The following RPRD2 variants were observed in gnomAD, a reference collection of about 807,000 sequenced individuals.
RPRD2 encodes regulation of nuclear pre-mRNA domain-containing protein 2.
A neutral mutation model predicts 104.4 loss-of-function variants in RPRD2; 12 were observed. The ratio of observed to expected loss-of-function variants is 0.11; its 90% confidence interval spans 0.07 to 0.19. The LOEUF (loss-of-function observed/expected upper bound fraction) is 0.19, where lower values mean the gene tolerates loss of function less well. Ranked by LOEUF, RPRD2 falls within the 10% of genes least tolerant of loss-of-function variation. The pLI, the probability that RPRD2 is intolerant of heterozygous loss-of-function variation, is 1.00. For missense variants in RPRD2, 1,543 were observed against 1,790.1 expected (o/e 0.86, Z 2.49); for synonymous variants, 714 against 684.9 (o/e 1.04, Z -0.66).
At position 150,476,020 on chromosome 1, in the gene RPRD2, A is replaced by C. The variant is rs761686016; in HGVS notation, c.*2686A>C. On this transcript the variant is annotated 3_prime_UTR_variant, in exon 11 of 11. Transcript: ENST00000369068. ...GTTGTGAATACACTAGTACCACTTA[A>C]AGTTCAGTGATACAGTTCAGAAATA... The C allele has an allele frequency of 2.7e-4, 41 of 152,286 alleles. No homozygotes were observed. Among genetic ancestry groups the C allele is most frequent in the African/African-American group, 9.9e-4 (41 of 41,564 alleles). The allele number at this position is 152,286 out of a possible 1,614,324, so 9.4% of individuals were successfully genotyped here.
At position 150,472,171 on chromosome 1, in the gene RPRD2, C is replaced by G; in HGVS notation, c.3223C>G (p.Pro1075Ala). The G allele has an allele frequency of 6.2e-7, 1 of 1,613,828 alleles. No individual in the cohort carries two copies. Among genetic ancestry groups the G allele is most frequent in the Non-Finnish European group, 8.5e-7 (1 of 1,179,866 alleles). ...TRVSSSCLDL[P>A]DSTEEKGAPI... ...CGTCTCCTCCTCCTGCTTAGACTTG[C>G]CTGATAGCACAGAAGAAAAGGGGGC... Residue 1075 changes from proline (P) to alanine (A), a missense_variant, in exon 11 of 11, where the codon CCT becomes GCT. Physicochemically the swap from Pro to Ala is conservative, Grantham distance 27. This residue lies in a region of RPRD2 where 880 missense variants were observed against 885.6 expected (regional missense o/e 0.99). Transcript: ENST00000369068.
intron 6 of RPRD2, among the ~76,000 whole-genome samples, chr1:150,444,734 T>C (rs1348731674): frequency 6.6e-6 from 1 of 152,234 alleles, no homozygotes; most frequent in Non-Finnish European, 1.5e-5. Flanking sequence ...TTTATTATAA[T>C]GTAAGCCTCA....
intron 1 of RPRD2, among the ~76,000 whole-genome samples, chr1:150,416,311 G>C (rs1356155692): frequency 2.0e-5 from 3 of 152,022 alleles, no homozygotes; most frequent in Non-Finnish European, 2.9e-5. Flanking sequence ...TAGAGTTAGA[G>C]AAAATAAAAA....
At chr1:150,439,759 A>G (rs587663009) in intron 2 of RPRD2, among the ~76,000 whole-genome samples, 1 of 151,930 alleles carries the variant, frequency 6.6e-6, no homozygotes, top group South Asian at 2.1e-4. Flanking sequence ...CAGATCTGCT[A>G]GAATAAAATT....
chr1:150,391,921 A>T (rs782493867), intron 1 of RPRD2, among the ~76,000 whole-genome samples: 19 of 151,792 alleles, frequency 1.3e-4, no homozygotes, highest in Admixed American at 4.6e-4. Context: ...AAATAAAAAT[A>T]AAAAAAAGGA....
chr1:150,366,512 A>C (rs696615), intron 1 of RPRD2, among the ~76,000 whole-genome samples: 91,079 of 152,076 alleles, frequency 0.6, 27,795 homozygotes, highest in African/African-American at 0.65. Flanking sequence ...ATCAAATATG[A>C]TAACAGTCAT....
chr1:150,470,670 G>A lies in RPRD2; in HGVS notation c.1722G>A (p.Lys574=). Residue 574 remains lysine, a synonymous_variant, in exon 11 of 11, where the codon AAG becomes AAA. Coordinates refer to ENST00000369068, the MANE Select transcript of RPRD2 (RefSeq NM_015203.5). ...CCAACACCACAGTCTCTACCATAAA[G>A]GGAAGAAATCTGCCCTCCAGTGCCC... The part of the protein sequence containing the change: ...SPANTTVSTI[K]GRNLPSSAQP... 6.2e-7 allele frequency: 1 copy of A among 1,613,968 alleles called. No homozygotes were observed. The highest frequency in any genetic ancestry group is 8.5e-7 in the Non-Finnish European group (1 of 1,179,886).
In RPRD2 at chr1:150,460,090, A is replaced by C. The variant is rs782537905; in HGVS notation, c.1184A>C (p.Lys395Thr). The change falls in exon 9 of 11, where the codon AAG (lysine) becomes ACG (threonine). Residue 395 changes from lysine (K) to threonine (T), a missense_variant. Lys to Thr is a moderately conservative substitution (Grantham distance 78). Around this residue, in one of 4 missense-constraint regions of RPRD2, gnomAD observed 572 missense variants for 787.3 expected, o/e 0.73. Coordinates refer to ENST00000369068, the MANE Select transcript of RPRD2 (RefSeq NM_015203.5). ...GACAGGAAGGAAAAACCTGCAGAGA[A>C]GTCAGCTGTATCCACTTCTGTACCT... ...VEDRKEKPAE[K>T]SAVSTSVPTK... 6.2e-7 allele frequency: 1 copy of C among 1,614,018 alleles called. No individual in the cohort carries two copies. Among genetic ancestry groups the C allele is most frequent in the South Asian group, 1.1e-5 (1 of 91,086 alleles).
chr1:150,379,265 A>G (rs1553880260), intron 1 of RPRD2, among the ~76,000 whole-genome samples: 1 of 151,836 alleles, frequency 6.6e-6, no homozygotes, highest in East Asian at 1.9e-4. Context: ...CCTGGGCGAC[A>G]GAGCGAGACT....
At chr1:150,442,650 T>C (rs781817456) in intron 4 of RPRD2, among the ~76,000 whole-genome samples, 12 of 152,206 alleles carry the variant, frequency 7.9e-5, no homozygotes, top group Non-Finnish European at 1.6e-4. Flanking sequence ...CCATCATGAT[T>C]AAGGGAGTCC....
intron 10 of RPRD2, among the ~76,000 whole-genome samples, chr1:150,466,206 G>A (rs1489662353): frequency 3.3e-5 from 5 of 150,944 alleles, no homozygotes; most frequent in Admixed American, 6.6e-5. Flanking sequence ...GTGAAACCCC[G>A]ACTCTACTAA....
At chr1:150,395,913 T>G (rs1662484326) in intron 1 of RPRD2, among the ~76,000 whole-genome samples, 1 of 152,222 alleles carries the variant, frequency 6.6e-6, no homozygotes, top group East Asian at 1.9e-4. Flanking sequence ...TTAAGGAATC[T>G]CCACACTGTT....
intron 1 of RPRD2, among the ~76,000 whole-genome samples, chr1:150,401,957 AAT>A (rs1491152715): frequency 3.7e-5 from 4 of 107,496 alleles, no homozygotes; most frequent in Admixed American, 9.1e-5. Flanking sequence ...TTTTTTTTTT[AAT>A]TTTTTTTTTT....
intron 1 of RPRD2, among the ~76,000 whole-genome samples, chr1:150,414,560 C>T (rs892382893): frequency 6.6e-6 from 1 of 151,674 alleles, no homozygotes; most frequent in African/African-American, 2.4e-5. Context: ...GAGGAGGACC[C>T]GGAGAGGTAG....
intron 10 of RPRD2, among the ~76,000 whole-genome samples, chr1:150,465,370 A>G (rs1668198519): frequency 6.6e-6 from 1 of 151,820 alleles, no homozygotes; most frequent in Non-Finnish European, 1.5e-5. Context: ...CACCCACCTC[A>G]GCCTCCCAAA....
intron 1 of RPRD2, among the ~76,000 whole-genome samples, chr1:150,395,721 G>A (rs1323053649): frequency 4.6e-5 from 7 of 152,106 alleles, no homozygotes; most frequent in Admixed American, 3.9e-4. Context: ...ATGTTGGCCA[G>A]GCTGGTCTCG....
chr1:150,472,762 C>T lies in RPRD2; in HGVS notation c.3814C>T (p.Pro1272Ser). 1 of 1,611,404 alleles carries T rather than the reference C, an allele frequency of 6.2e-7. No homozygotes were observed. The highest frequency in any genetic ancestry group is 1.1e-5 in the South Asian group (1 of 91,022). The change falls in exon 11 of 11, where the codon CCT becomes TCT. Residue 1272 changes from proline (P) to serine (S), a missense_variant. Physicochemically the swap from Pro to Ser is moderately conservative, Grantham distance 74 (BLOSUM62 -1). This residue lies in a region of RPRD2 where 880 missense variants were observed against 885.6 expected (regional missense o/e 0.99). Coordinates refer to ENST00000369068, the MANE Select transcript of RPRD2 (RefSeq NM_015203.5). Reference sequence around the variant, plus strand: ...TGGAATTCCTTTCCCTACCCCACCTCCTCCTCCCCCTCCTGGGGAACATAG... The same window carrying T: ...TGGAATTCCTTTCCCTACCCCACCTTCTCCTCCCCCTCCTGGGGAACATAG... Reference protein sequence around the residue: ...HSGIPFPTPPPPPPPGEHSSS... With the variant: ...HSGIPFPTPPSPPPPGEHSSS...
chr1:150,378,671 ATTTT>A (rs1188595031), intron 1 of RPRD2, among the ~76,000 whole-genome samples: 1 of 152,154 alleles, frequency 6.6e-6, no homozygotes, highest in East Asian at 1.9e-4. Flanking sequence ...AAATATAGTT[ATTTT>A]TAATTAAGAA....
intron 1 of RPRD2, among the ~76,000 whole-genome samples, chr1:150,379,782 C>T (rs782438874): frequency 1.3e-5 from 2 of 152,210 alleles, no homozygotes; most frequent in Non-Finnish European, 2.9e-5. Flanking sequence ...GTGATCTGCC[C>T]GCCTTGGCCT....
Sources: gnomAD v4.1 joint callset for allele counts (sites outside exome capture counted in the v4.1 genomes callset) on GRCh38, gnomAD v4.1.1 for gene constraint, gnomAD v4.1.1 regional missense constraint, MANE v1.5 for transcripts, NCBI Gene and HGNC (gene_info 2026-07-23, HGNC 2026-07-21) for gene names.